Variants in NFU1 observed in about 807,000 individuals in gnomAD.
The protein encoded by NFU1 is NFU1 iron-sulfur cluster scaffold.
A neutral mutation model predicts 32.2 loss-of-function variants in NFU1; 30 were observed. The observed-to-expected ratio is 0.93, with a 90% confidence interval of 0.70 to 1.26. The LOEUF (loss-of-function observed/expected upper bound fraction) is 1.26. NFU1 is among the 50% of genes most tolerant of loss of function. The pLI, the probability that NFU1 is intolerant of heterozygous loss-of-function variation, is 0.00. For missense variants in NFU1, 306 were observed against 306.6 expected (o/e 1.00, Z 0.02); for synonymous variants, 112 against 104.6 (o/e 1.07, Z -0.43).
intron 5 of NFU1, 33 bp downstream of exon 5, chr2:69,415,152 G>A (rs773077576): frequency 8.2e-7 from 1 of 1,221,664 alleles, no homozygotes; most frequent in South Asian, 1.2e-5. Context: ...CTAAAAAAAG[G>A]ACAAATTTTA....
chr2:69,403,111 TG>T (rs1672581121), intron 6 of NFU1, among the ~76,000 whole-genome samples: 2 of 151,302 alleles, frequency 1.3e-5, no homozygotes, highest in South Asian at 4.2e-4. Flanking sequence ...CTCAAACTCC[TG>T]GGCTCAAGCA....
At chr2:69,414,814 C>T (rs1405517610) in intron 5 of NFU1, among the ~76,000 whole-genome samples, 2 of 151,920 alleles carry the variant, frequency 1.3e-5, no homozygotes, top group Non-Finnish European at 2.9e-5. Flanking sequence ...GCTCTATATT[C>T]TGACACTGTA....
At chr2:69,433,405 C>CT (rs1394421293) in intron 1 of NFU1, among the ~76,000 whole-genome samples, 1 of 151,856 alleles carries the variant, frequency 6.6e-6, no homozygotes, top group Non-Finnish European at 1.5e-5. Flanking sequence ...GTCTCGAACT[C>CT]TTGACCTCAG....
chr2:69,404,825 G>A (rs2104746608), intron 6 of NFU1, among the ~76,000 whole-genome samples: 1 of 150,964 alleles, frequency 6.6e-6, no homozygotes, highest in Middle Eastern at 3.4e-3. Flanking sequence ...TCAACATGTT[G>A]GCCAGGCTGG....
At chr2:69,431,430 C>T (rs1276479664) in intron 2 of NFU1, among the ~76,000 whole-genome samples, 1 of 152,120 alleles carries the variant, frequency 6.6e-6, no homozygotes, top group East Asian at 1.9e-4. Context: ...CTCAGCCTCC[C>T]AAGCAGCTGG....
At chr2:69,426,325 G>A (rs546538239) in intron 2 of NFU1, among the ~76,000 whole-genome samples, 2 of 150,266 alleles carry the variant, frequency 1.3e-5, no homozygotes, top group Admixed American at 6.6e-5. Context: ...TCGCTCTGTC[G>A]CCCAAGCTGG....
chr2:69,419,549 T>C lies in NFU1; in HGVS notation c.358A>G (p.Thr120Ala). ...KSVFFGPDFI[T>A]VTKENEELDW... ...AATCCTATGTTTACCTTTGTGACAG[T>C]GATGAAATCTGGTCCAAAGAAGACA... The change falls in exon 4 of 8, where the codon ACT (threonine) becomes GCT (alanine). Residue 120 changes from threonine (T) to alanine (A), a missense_variant. Transcript: ENST00000410022. The C allele has an allele frequency of 6.3e-7, 1 of 1,577,988 alleles. No homozygotes were observed. Among genetic ancestry groups the C allele is most frequent in the Non-Finnish European group, 8.7e-7 (1 of 1,148,612 alleles).
At position 69,400,307 on chromosome 2, in the gene NFU1, C is replaced by G. The variant is rs1672478243; in HGVS notation, c.720+57G>C. The G allele has an allele frequency of 4.1e-6, 6 of 1,459,958 alleles. No homozygotes were observed. In the African/African-American group the frequency reaches 7.0e-5, roughly 17 times the overall value. 90.4% of individuals were successfully genotyped at this position (1,459,958 alleles called of 1,614,324 possible). Reference sequence around the variant, plus strand: ...TAACATCTATTTCCAGCCTTTGTATCTACAAAGAAAAAGAAAAAATGAAAA... The same window carrying G: ...TAACATCTATTTCCAGCCTTTGTATGTACAAAGAAAAAGAAAAAATGAAAA... On this transcript the variant is annotated intron_variant, in intron 7 of 7. Coordinates refer to ENST00000410022, the MANE Select transcript of NFU1 (RefSeq NM_001002755.4).
chr2:69,428,284 G>C (rs944537391), intron 2 of NFU1, among the ~76,000 whole-genome samples: 1 of 152,064 alleles, frequency 6.6e-6, no homozygotes, highest in South Asian at 2.1e-4. Flanking sequence ...AATTAGCCAG[G>C]TGTGGTGATG....
At chr2:69,429,284 C>A (rs915298538) in intron 2 of NFU1, among the ~76,000 whole-genome samples, 1 of 152,176 alleles carries the variant, frequency 6.6e-6, no homozygotes, top group Non-Finnish European at 1.5e-5. Flanking sequence ...CTGGCTTCAA[C>A]TGGGTGCATC....
Position 69,415,260 on chromosome 2 carries a change from T to C in NFU1, c.409A>G (p.Ile137Val). 1 of 1,612,602 alleles carries C rather than the reference T, an allele frequency of 6.2e-7. No homozygotes were observed. Among genetic ancestry groups the C allele is most frequent in the East Asian group, 2.2e-5 (1 of 44,870 alleles). The change falls in exon 5 of 8, where the codon ATT (isoleucine) becomes GTT (valine). Residue 137 changes from isoleucine to valine, a missense_variant. Ile to Val is a conservative substitution (Grantham distance 29). Transcript: ENST00000410022. Reference protein sequence around the residue: ...ELDWNLLKPDIYATIMDFFAS... With the variant: ...ELDWNLLKPDVYATIMDFFAS... ...AAGAAGTCCATGATTGTTGCATAAA[T>C]ATCTGGTTTCAGTAAATTCCAGTCT...
At chr2:69,427,145 G>A (rs772182940) in intron 2 of NFU1, among the ~76,000 whole-genome samples, 14 of 151,284 alleles carry the variant, frequency 9.3e-5, no homozygotes, top group Non-Finnish European at 1.6e-4. Flanking sequence ...TAGCACTTTG[G>A]GAGGCCAAAG....
intron 5 of NFU1, among the ~76,000 whole-genome samples, chr2:69,413,142 GGGCATGGTGGCA>G (rs1463764654): frequency 6.6e-6 from 1 of 151,246 alleles, no homozygotes; most frequent in Non-Finnish European, 1.5e-5. Flanking sequence ...AAAATTAGTT[GGGCATGGTGGCA>G]GGCACCTGTA....
At chr2:69,431,488 G>A (rs905361080) in intron 2 of NFU1, among the ~76,000 whole-genome samples, 16 of 152,100 alleles carry the variant, frequency 1.1e-4, no homozygotes, top group African/African-American at 3.6e-4. Context: ...TGTATTTTTT[G>A]TAGAGACAGG....
intron 7 of NFU1, among the ~76,000 whole-genome samples, chr2:69,399,674 T>C (rs1672452499): frequency 6.6e-6 from 1 of 152,026 alleles, no homozygotes; most frequent in Admixed American, 6.6e-5. Context: ...CACTAAAGAT[T>C]TCTAAATCTC....
At chr2:69,408,202 C>T (rs749106521) in intron 5 of NFU1, among the ~76,000 whole-genome samples, 1 of 152,086 alleles carries the variant, frequency 6.6e-6, no homozygotes, top group Non-Finnish European at 1.5e-5. Flanking sequence ...TAAATTAACA[C>T]AAATGAGATC....
At chr2:69,438,040 C>G (rs1673918213), upstream of NFU1, among the ~76,000 whole-genome samples, 1 of 152,130 alleles carries the variant, frequency 6.6e-6, no homozygotes, top group South Asian at 2.1e-4. Flanking sequence ...GGCAGAGTGC[C>G]AAAGCCCATT....
chr2:69,422,837 T>A (rs1673291364), intron 3 of NFU1, among the ~76,000 whole-genome samples: 1 of 152,048 alleles, frequency 6.6e-6, no homozygotes, highest in Non-Finnish European at 1.5e-5. Context: ...CACCTCAGCC[T>A]CCCTAGTAGC....
chr2:69,419,041 G>C (rs979873466), intron 4 of NFU1, among the ~76,000 whole-genome samples: 1 of 152,068 alleles, frequency 6.6e-6, no homozygotes, highest in African/African-American at 2.4e-5. Flanking sequence ...TTTTATAGGC[G>C]TGGTGGCTCA....
Sources: allele counts gnomAD v4.1 joint callset (sites outside exome capture counted in the v4.1 genomes callset), GRCh38; gene constraint gnomAD v4.1.1; transcripts MANE v1.5; gene names NCBI Gene and HGNC (gene_info 2026-07-23, HGNC 2026-07-21).